SGPP2: variants seen among roughly 807,000 people sequenced by gnomAD.
The protein encoded by SGPP2 is sphingosine 1-phosphate phosphohydrolase 2.
SGPP2 carries 30 observed loss-of-function variants against 33.9 expected under a neutral mutation model. The ratio of observed to expected loss-of-function variants is 0.89; its 90% CI spans 0.66 to 1.20. The LOEUF (loss-of-function observed/expected upper bound fraction) is 1.20, where lower values mean the gene tolerates loss of function less well. Ranked by LOEUF, SGPP2 falls within the 50% of genes most tolerant of loss-of-function variation. The probability of loss-of-function intolerance (pLI) is 0.00; values close to 1 mark genes in which losing one functional copy is unlikely to be tolerated. For synonymous variants in SGPP2, 233 were observed against 225.0 expected, an observed-to-expected ratio of 1.04 and a Z score of -0.32; for missense variants, 458 against 532.1, an observed-to-expected ratio of 0.86 and a Z score of 1.37.
Position 222,562,275 on chromosome 2 carries a change from T to C in SGPP2, c.*3377T>C, listed in dbSNP as rs543174704. On this transcript the variant is annotated 3_prime_UTR_variant, in exon 5 of 5. Coordinates refer to ENST00000321276, the MANE Select transcript of SGPP2 (RefSeq NM_152386.4). ...AGCCATCCATCTTGCAATCTTCATCTAAAACAGCTCTCATTTCATGCCAGT... is the reference window on the plus strand; with the variant it reads ...AGCCATCCATCTTGCAATCTTCATCCAAAACAGCTCTCATTTCATGCCAGT... Among the ~76,000 whole-genome samples the C allele has an allele frequency of 2.6e-5, 4 of 152,330 alleles. No homozygotes were observed. Among genetic ancestry groups the C allele is most frequent in the African/African-American group, 9.6e-5 (4 of 41,580 alleles).
chr2:222,424,537 G>A (rs1697028013), upstream of SGPP2: 2 of 1,098,382 alleles, frequency 1.8e-6, no homozygotes, highest in Non-Finnish European at 2.3e-6. Flanking sequence ...AGGCGGGAGT[G>A]GCGGTGCCAG....
intron 1 of SGPP2, among the ~76,000 whole-genome samples, chr2:222,428,682 G>A (rs1472163036): frequency 5.9e-5 from 9 of 151,908 alleles, no homozygotes; most frequent in Non-Finnish European, 1.2e-4. Context: ...TGGAAACCAG[G>A]AGACCAGGAT....
intron 1 of SGPP2, among the ~76,000 whole-genome samples, chr2:222,438,769 C>T (rs768657934): frequency 3.3e-5 from 5 of 152,200 alleles, no homozygotes; most frequent in Non-Finnish European, 7.3e-5. Flanking sequence ...ATCTCCAACC[C>T]GGTGTCTTTC....
rs1559176987 is a variant in SGPP2 at position 222,550,855 on chromosome 2, CA to C, written c.649-7489del. 1.3e-5 allele frequency among the ~76,000 whole-genome samples: 2 copies of C among 151,182 alleles called. No homozygotes were observed. On this transcript the variant is annotated intron_variant, in intron 4 of 4. Transcript: ENST00000321276. The surrounding 1 kb of genome is among the most constrained non-coding windows in gnomAD (Gnocchi z 4.5). ...TGAGCTGAAATAACCCAACAAGAAC[CA>C]AACAGGAATCATCCCTGTATGTAAA...
intron 2 of SGPP2, among the ~76,000 whole-genome samples, chr2:222,505,954 A>G (rs961266425): frequency 3.4e-5 from 5 of 147,652 alleles, no homozygotes; most frequent in Admixed American, 1.4e-4. Flanking sequence ...AAAAAAAAAA[A>G]GTAGTTAAAA....
Position 222,499,628 on chromosome 2 carries a change from G to A in SGPP2, c.379-22139G>A, listed in dbSNP as rs116439393. Among the ~76,000 whole-genome samples the A allele has an allele frequency of 1.0e-3, 159 of 152,268 alleles. 1 individual carries two copies. Among genetic ancestry groups the A allele is most frequent in the African/African-American group, 3.7e-3 (152 of 41,558 alleles). On this transcript the variant is annotated intron_variant, in intron 2 of 4. Transcript: ENST00000321276. Reference sequence around the variant, plus strand: ...GGGAAACACAAGTTGGGGCATTGGGGGAAACACAAGTTGGGGCATTGGGGG... The same window carrying A: ...GGGAAACACAAGTTGGGGCATTGGGAGAAACACAAGTTGGGGCATTGGGGG...
chr2:222,478,109 C>G (rs1413804239), intron 2 of SGPP2, among the ~76,000 whole-genome samples: 2 of 144,380 alleles, frequency 1.4e-5, no homozygotes, highest in Non-Finnish European at 1.5e-5. Context: ...GTGTGAGAAG[C>G]GTAAGGTAGT....
rs189893110 is a variant in SGPP2 at position 222,475,146 on chromosome 2, G to C, written c.378+420G>C. 5.5e-4 allele frequency among the ~76,000 whole-genome samples: 83 copies of C among 152,228 alleles called. 3 individuals carry two copies. Among genetic ancestry groups the C allele is most frequent in the Admixed American group, 4.1e-3 (63 of 15,302 alleles). Reference sequence around the variant, plus strand: ...AAAAGCCAAGGTGGGCGGATCACCTGAGGTCAGGTGCCTCCCAGGTTCAAG... The same window carrying C: ...AAAAGCCAAGGTGGGCGGATCACCTCAGGTCAGGTGCCTCCCAGGTTCAAG... On this transcript the variant is annotated intron_variant, in intron 2 of 4. Transcript: ENST00000321276.
chr2:222,476,871 G>A lies in SGPP2; in HGVS notation c.378+2145G>A, dbSNP rs1574850907. 7.1e-6 allele frequency among the ~76,000 whole-genome samples: 1 copy of A among 141,796 alleles called. No homozygotes were observed. The highest frequency in any genetic ancestry group is 3.0e-5 in the African/African-American group (1 of 32,912). The allele number at this position is 141,796 out of a possible 152,430, so 93.0% of individuals were successfully genotyped here. ...ATAGGTGTGTATATGTGTATATATA[G>A]GTGTGTGTATATATGTGTGTTTATT... On this transcript the variant is annotated intron_variant, in intron 2 of 4. Coordinates refer to ENST00000321276, the MANE Select transcript of SGPP2 (RefSeq NM_152386.4). The surrounding 1 kb of genome is among the most constrained non-coding windows in gnomAD (Gnocchi z 4.3).
intron 2 of SGPP2, among the ~76,000 whole-genome samples, chr2:222,478,267 TTG>T (rs113118208): frequency 0.52 from 73,055 of 141,278 alleles, 20,044 homozygotes; most frequent in East Asian, 0.62. Context: ...GTGCATGCAT[TTG>T]TGTGTGTGTG....
chr2:222,528,164 C>A (rs528141704), intron 4 of SGPP2, among the ~76,000 whole-genome samples: 5 of 152,204 alleles, frequency 3.3e-5, no homozygotes, highest in Non-Finnish European at 7.3e-5. Context: ...CTAAAAAAAT[C>A]TCTCTGAAGA....
At chr2:222,480,898 G>A (rs558973625) in intron 2 of SGPP2, among the ~76,000 whole-genome samples, 137 of 152,270 alleles carry the variant, frequency 9.0e-4, no homozygotes, top group African/African-American at 3.2e-3. Flanking sequence ...TAAAGAAAAG[G>A]TGGTACATAT....
At chr2:222,453,251 G>T (rs1174886299) in intron 1 of SGPP2, 1 of 762,196 alleles carries the variant, frequency 1.3e-6, no homozygotes, top group African/African-American at 1.7e-5. Flanking sequence ...ACAATCAGAT[G>T]CTTTGAAGCC....
At chr2:222,551,470 G>A (rs1689292700) in intron 4 of SGPP2, among the ~76,000 whole-genome samples, 1 of 151,990 alleles carries the variant, frequency 6.6e-6, no homozygotes, top group Non-Finnish European at 1.5e-5. Context: ...AACATAAAAA[G>A]TTGTTTTCAA....
intron 1 of SGPP2, among the ~76,000 whole-genome samples, chr2:222,458,455 T>A (rs1044846184): frequency 1.3e-5 from 2 of 152,180 alleles, no homozygotes; most frequent in Non-Finnish European, 2.9e-5. Context: ...GGCTAAAATG[T>A]CCTATATTGT....
chr2:222,427,607 G>T (rs1229874747), intron 1 of SGPP2, among the ~76,000 whole-genome samples: 1 of 152,150 alleles, frequency 6.6e-6, no homozygotes, highest in East Asian at 1.9e-4. Context: ...AAAAAAATGA[G>T]TGAATGTTGA....
chr2:222,553,822 G>A (rs748340027), intron 4 of SGPP2, among the ~76,000 whole-genome samples: 15 of 152,186 alleles, frequency 9.9e-5, no homozygotes, highest in Admixed American at 2.0e-4. Flanking sequence ...GAGCTGCCTG[G>A]GAGGTGATCT....
chr2:222,442,541 A>G (rs1697341982), intron 1 of SGPP2, among the ~76,000 whole-genome samples: 1 of 152,186 alleles, frequency 6.6e-6, no homozygotes, highest in Non-Finnish European at 1.5e-5. Flanking sequence ...CGAACAATTT[A>G]ATTGTGTAAT....
intron 1 of SGPP2, among the ~76,000 whole-genome samples, chr2:222,459,589 G>A (rs1697627925): frequency 6.6e-6 from 1 of 152,054 alleles, no homozygotes; most frequent in African/African-American, 2.4e-5. Context: ...GAGGGGAGTG[G>A]TGTGTATGCA....
Sources: allele counts gnomAD v4.1 joint callset (sites outside exome capture counted in the v4.1 genomes callset), GRCh38; gene constraint gnomAD v4.1.1; non-coding constraint Gnocchi (gnomAD v3.1); transcripts MANE v1.5; gene names NCBI Gene and HGNC (gene_info 2026-07-23, HGNC 2026-07-21).